HDLBP: variants seen among roughly 807,000 people sequenced by gnomAD.
HDLBP encodes high density lipoprotein binding protein.
A neutral mutation model predicts 137.3 loss-of-function variants in HDLBP; 30 were observed. That is an observed-to-expected ratio of 0.22 (90% CI 0.16 to 0.30). HDLBP has a LOEUF of 0.30. HDLBP is among the 10% of genes least tolerant of loss of function. The pLI is 1.00. For synonymous variants in HDLBP, 606 were observed against 596.0 expected (o/e 1.02, Z -0.24); for missense variants, 1,119 against 1,667.3 (o/e 0.67, Z 5.73).
chr2:241,283,983 G>T (rs1309970104), intron 1 of HDLBP, among the ~76,000 whole-genome samples: 1 of 151,282 alleles, frequency 6.6e-6, no homozygotes, highest in Non-Finnish European at 1.5e-5. Context: ...TGTTTAAAAC[G>T]ATTTACTGAG....
chr2:241,234,891 CG>C (rs1407093527), intron 23 of HDLBP, among the ~76,000 whole-genome samples: 1 of 152,198 alleles, frequency 6.6e-6, no homozygotes, highest in Non-Finnish European at 1.5e-5. Context: ...CAAATTTACA[CG>C]GAAGTCCAAC....
intron 1 of HDLBP, chr2:241,302,566 A>C (rs2075431222): frequency 6.6e-6 from 1 of 152,230 alleles, no homozygotes; most frequent in Admixed American, 6.5e-5. Context: ...AAAAGTGCCA[A>C]ATAAATGACC....
intron 4 of HDLBP, among the ~76,000 whole-genome samples, chr2:241,263,868 G>T (rs1206410360): frequency 6.6e-6 from 1 of 152,156 alleles, no homozygotes; most frequent in African/African-American, 2.4e-5. Context: ...CCACGTGCCT[G>T]TCCTACTGAG....
intron 5 of HDLBP, among the ~76,000 whole-genome samples, chr2:241,260,832 C>T (rs935931265): frequency 1.3e-5 from 2 of 152,104 alleles, no homozygotes; most frequent in Non-Finnish European, 1.5e-5. Flanking sequence ...CACCAGTTCA[C>T]CAAAAATAAT....
At chr2:241,243,285 G>A (rs940707390) in intron 16 of HDLBP, among the ~76,000 whole-genome samples, 17 of 152,280 alleles carry the variant, frequency 1.1e-4, no homozygotes, top group African/African-American at 3.4e-4. Flanking sequence ...TCTGAGATCC[G>A]GAGACCAGCC....
intron 16 of HDLBP, among the ~76,000 whole-genome samples, chr2:241,243,032 G>C (rs566613398): frequency 3.3e-5 from 5 of 152,220 alleles, no homozygotes; most frequent in African/African-American, 1.2e-4. Context: ...GGCTCTGCCA[G>C]AGGTGGCTCC....
intron 5 of HDLBP, among the ~76,000 whole-genome samples, chr2:241,260,871 G>A (rs906696729): frequency 6.6e-6 from 1 of 152,052 alleles, no homozygotes; most frequent in African/African-American, 2.4e-5. Context: ...AAAACCTACG[G>A]TCCCCACTAA....
Position 241,272,092 on chromosome 2 carries a change from C to T in HDLBP, c.-102-3551G>A. The T allele has an allele frequency of 1.5e-6, 1 of 673,064 alleles. No individual in the cohort carries two copies. Among genetic ancestry groups the T allele is most frequent in the East Asian group, 1.3e-4 (1 of 7,474 alleles). The allele number at this position is 673,064 out of a possible 1,614,324, so 41.7% of individuals were successfully genotyped here. A position where few individuals can be genotyped will look rare whatever the true frequency, so the allele number is the denominator to read the frequency against. Reference sequence around the variant, plus strand: ...CGGTACTTTTCCGTAATGTATTTTTCATCCACGACCCTGGGGCACGTCCAA... The same window carrying T: ...CGGTACTTTTCCGTAATGTATTTTTTATCCACGACCCTGGGGCACGTCCAA... On this transcript the variant is annotated intron_variant, in intron 1 of 27. Transcript: ENST00000310931. This position sits in a 1 kb window ranked among gnomAD's most constrained non-coding sequence, Gnocchi z 5.6.
At chr2:241,280,053 C>G (rs895142273) in intron 1 of HDLBP, 13 of 985,270 alleles carry the variant, frequency 1.3e-5, no homozygotes, top group African/African-American at 1.7e-5. Flanking sequence ...AGGCGCCCAC[C>G]ACTTCCTTGG....
chr2:241,253,087 A>G, intron 10 of HDLBP, 52 bp from the exon 11 acceptor site: 11 of 1,366,738 alleles, frequency 8.0e-6, no homozygotes, highest in Non-Finnish European at 1.1e-5. Flanking sequence ...TTGGCCAATG[A>G]GCTGAACCAA....
At chr2:241,271,209 T>C in intron 1 of HDLBP, 1 of 854,224 alleles carries the variant, frequency 1.2e-6, no homozygotes, top group African/African-American at 1.8e-5. Flanking sequence ...CCAACTACTT[T>C]TCCCATAGGA....
chr2:241,260,067 G>T (rs958228894), intron 5 of HDLBP, among the ~76,000 whole-genome samples: 1 of 152,152 alleles, frequency 6.6e-6, no homozygotes, highest in Non-Finnish European at 1.5e-5. Flanking sequence ...GCAATGGCAT[G>T]ATCTTGGCTC....
Position 241,233,621 on chromosome 2 carries a change from CA to C in HDLBP, c.3288+198del, listed in dbSNP as rs548439650. Among the ~76,000 whole-genome samples, 3 of 152,138 alleles carry C rather than the reference CA, an allele frequency of 2.0e-5. No individual in the cohort carries two copies. Among genetic ancestry groups the C allele is most frequent in the Non-Finnish European group, 2.9e-5 (2 of 68,032 alleles). The stretch of plus-strand genomic sequence containing the variant: ...AAAATGCTCCAGGCCCCAGATGATA[CA>C]TAGTGCCAGAGACCTCACCCATCTG... On this transcript the variant is annotated intron_variant, in intron 24 of 27. Coordinates refer to ENST00000310931, the MANE Select transcript of HDLBP (RefSeq NM_005336.6). The surrounding 1 kb of genome is among the most constrained non-coding windows in gnomAD (Gnocchi z 4.3).
rs1015761976 is a variant in HDLBP, at chr2:241,228,991, A to G, written c.*610T>C. ...GGTGCTTTCAGACCCCACGGCAGGT[A>G]AAATCAGGACTGCCTGAGAACCCGT... On this transcript the variant is annotated 3_prime_UTR_variant, in exon 28 of 28. Transcript: ENST00000310931. 1.3e-5 allele frequency: 2 copies of G among 153,278 alleles called. No homozygotes were observed. The highest frequency in any genetic ancestry group is 4.8e-5 in the African/African-American group (2 of 41,430). 9.5% of individuals were successfully genotyped at this position (153,278 alleles called of 1,614,324 possible). A position where few individuals can be genotyped will look rare whatever the true frequency, so the allele number is the denominator to read the frequency against.
intron 11 of HDLBP, among the ~76,000 whole-genome samples, chr2:241,252,609 C>T (rs2072283218): frequency 6.6e-6 from 1 of 152,236 alleles, no homozygotes; most frequent in Non-Finnish European, 1.5e-5. Context: ...GGCATGAGTA[C>T]TACCAACACT....
At chr2:241,300,311 CG>C in intron 1 of HDLBP, among the ~76,000 whole-genome samples, 1 of 152,270 alleles carries the variant, frequency 6.6e-6, no homozygotes, top group South Asian at 2.1e-4. Flanking sequence ...CCCTAAAAGA[CG>C]AACAAGAGGC....
At chr2:241,289,104 C>T (rs564952063) in intron 1 of HDLBP, among the ~76,000 whole-genome samples, 1 of 152,222 alleles carries the variant, frequency 6.6e-6, no homozygotes, top group Non-Finnish European at 1.5e-5. Flanking sequence ...TAATCTTGGG[C>T]TCAGTCCTAT....
chr2:241,283,338 G>A (rs1325037551), intron 1 of HDLBP, among the ~76,000 whole-genome samples: 1 of 152,252 alleles, frequency 6.6e-6, no homozygotes, highest in Non-Finnish European at 1.5e-5. Context: ...TGCTGATGTA[G>A]AAGCTGCAGT....
At chr2:241,267,487 C>T in intron 2 of HDLBP, 1 of 1,268,994 alleles carries the variant, frequency 7.9e-7, no homozygotes, top group South Asian at 1.3e-5. Context: ...AACCTGCCAC[C>T]TGCCTGACCC....
Sources: allele counts gnomAD v4.1 joint callset (sites outside exome capture counted in the v4.1 genomes callset), GRCh38; gene constraint gnomAD v4.1.1; non-coding constraint Gnocchi (gnomAD v3.1); transcripts MANE v1.5; gene names NCBI Gene and HGNC (gene_info 2026-07-23, HGNC 2026-07-21).